The following CFAP74 variants were observed in gnomAD, a reference collection of about 807,000 sequenced individuals.
CFAP74 encodes the protein cilia- and flagella-associated protein 74.
Under a neutral mutation model 188.9 loss-of-function variants are expected in CFAP74, and 124 were observed. That is an observed-to-expected ratio of 0.66 (90% CI 0.57 to 0.76). CFAP74 has a LOEUF of 0.76. Among genes scored for constraint, CFAP74 ranks in the 30% least tolerant of loss-of-function variants. CFAP74 has a pLI of 0.00. For missense variants in CFAP74, 2,198 were observed against 2,165.2 expected (o/e 1.02, Z -0.30); for synonymous variants, 956 against 916.7 (o/e 1.04, Z -0.77).
chr1:1,974,433 C>T (rs915337592), intron 6 of CFAP74, among the ~76,000 whole-genome samples: 6 of 152,336 alleles, frequency 3.9e-5, no homozygotes, highest in Admixed American at 3.9e-4. Context: ...TAGAGCCTGG[C>T]CTGCACTCCC....
At chr1:1,996,116 C>G (rs1231685061) in intron 1 of CFAP74, among the ~76,000 whole-genome samples, 2 of 152,044 alleles carry the variant, frequency 1.3e-5, no homozygotes, top group Non-Finnish European at 2.9e-5. Flanking sequence ...TCCTGGGCAG[C>G]TGGGATTACA....
rs541776069 is a variant in CFAP74, at chr1:1,925,442, T to A, written c.4104+341A>T. Among the ~76,000 whole-genome samples the A allele has an allele frequency of 2.8e-5, 4 of 142,130 alleles. No individual in the cohort carries two copies. The South Asian group carries it at 8.7e-4, about 31-fold the overall frequency. 93.2% of individuals were successfully genotyped at this position (142,130 alleles called of 152,430 possible). A position where few individuals can be genotyped will look rare whatever the true frequency, so the allele number is the denominator to read the frequency against. Reference sequence around the variant, plus strand: ...AAACCCTTGCCCCCGGTGGCTGAGCTGAGCTCCAAAGGAGTGAGTTCAAGC... The same window carrying A: ...AAACCCTTGCCCCCGGTGGCTGAGCAGAGCTCCAAAGGAGTGAGTTCAAGC... On this transcript the variant is annotated intron_variant, in intron 33 of 38. Transcript: ENST00000682832.
intron 25 of CFAP74, among the ~76,000 whole-genome samples, chr1:1,932,135 G>A (rs1201169111): frequency 1.4e-5 from 2 of 147,668 alleles, no homozygotes; most frequent in Non-Finnish European, 3.0e-5. Context: ...GGTGGCTCAC[G>A]CCTGTAATCC....
intron 25 of CFAP74, among the ~76,000 whole-genome samples, chr1:1,934,626 TAC>T (rs1265223977): frequency 7.0e-5 from 9 of 127,716 alleles, no homozygotes; most frequent in Non-Finnish European, 6.8e-5. Flanking sequence ...AGGTTGTAGG[TAC>T]ACACGTGTGT....
In CFAP74 at chr1:1,972,144, G is replaced by A. The variant is rs1290187800; in HGVS notation, c.786-62C>T. The A allele has an allele frequency of 2.6e-5, 33 of 1,267,394 alleles. 1 individual carries two copies. The South Asian group carries it at 2.9e-4, about 11-fold the overall frequency. The allele number at this position is 1,267,394 out of a possible 1,614,324, so 78.5% of individuals were successfully genotyped here. On this transcript the variant is annotated intron_variant, in intron 8 of 38. Coordinates refer to ENST00000682832, the MANE Select transcript of CFAP74 (RefSeq NM_001304360.2). Reference sequence around the variant, plus strand: ...CGCCCAGGCTGGTGTGCAGTGGTGCGATCACAGCTCTCTGCAGCCTCGACC... The same window carrying A: ...CGCCCAGGCTGGTGTGCAGTGGTGCAATCACAGCTCTCTGCAGCCTCGACC...
Position 1,964,944 on chromosome 1 carries a change from C to G in CFAP74, c.1519G>C (p.Gly507Arg), listed in dbSNP as rs752282092. 4 of 1,613,888 alleles carry G rather than the reference C, an allele frequency of 2.5e-6. No homozygotes were observed. Among genetic ancestry groups the G allele is most frequent in the African/African-American group, 1.3e-5 (1 of 74,944 alleles). The change falls in exon 13 of 39, where the codon GGG (glycine) becomes CGG (arginine). Residue 507 changes from glycine to arginine, a missense_variant. By Grantham distance (125) the Gly-to-Arg change is moderately radical. Coordinates refer to ENST00000682832, the MANE Select transcript of CFAP74 (RefSeq NM_001304360.2). ...SRVVHKQVVW[G>R]REFQGRPFNS... ...AAGGGGCGTCCTTGGAACTCACGCC[C>G]CCACACCACCTGCTTGTGGACCACC...
At chr1:1,943,102 G>A (rs1000582459) in intron 21 of CFAP74, among the ~76,000 whole-genome samples, 2 of 152,320 alleles carry the variant, frequency 1.3e-5, no homozygotes, top group Non-Finnish European at 1.5e-5. Flanking sequence ...TCTGCCTTCC[G>A]GTTCCCTTAT....
rs1429753713 is a variant in CFAP74, at chr1:1,955,844, G to T, written c.2023C>A (p.Leu675Ile). Residue 675 changes from leucine (L) to isoleucine (I), a missense_variant, in exon 18 of 39, where the codon CTC (leucine) becomes ATC (isoleucine). Coordinates refer to ENST00000682832, the MANE Select transcript of CFAP74 (RefSeq NM_001304360.2). ...AAGCTTTTATCTTCGTAGGTCAGGA[G>T]ACTGCTCTAGAGAGGAGAATCAACA... ...DSQSALKLSS[L>I]LTYEDKSLYD... The T allele has an allele frequency of 6.2e-7, 1 of 1,612,468 alleles. No homozygotes were observed. Among genetic ancestry groups the T allele is most frequent in the Non-Finnish European group, 8.5e-7 (1 of 1,179,822 alleles).
At chr1:1,935,477 C>T (rs1041819525) in intron 25 of CFAP74, among the ~76,000 whole-genome samples, 13 of 80,210 alleles carry the variant, frequency 1.6e-4, no homozygotes, top group African/African-American at 1.9e-4. Context: ...GGTGTGTGCG[C>T]GCTAGGTTGT....
At chr1:1,927,558 C>G (rs1366569696) in intron 28 of CFAP74, 49 bp downstream of exon 28, 3 of 1,523,726 alleles carry the variant, frequency 2.0e-6, no homozygotes, top group Middle Eastern at 1.7e-4. Context: ...GTGGGTCCCA[C>G]CAGAGGGGCC....
intron 2 of CFAP74, among the ~76,000 whole-genome samples, chr1:1,989,800 A>G (rs1222458594): frequency 6.6e-6 from 1 of 152,158 alleles, no homozygotes; most frequent in African/African-American, 2.4e-5. Flanking sequence ...ACTTGGTGGT[A>G]CCACACCCGG....
At position 1,973,110 on chromosome 1, in the gene CFAP74, CCTGCACGG is replaced by C; in HGVS notation, c.675-71_675-64del. The C allele has an allele frequency of 8.2e-7, 1 of 1,221,904 alleles. No individual in the cohort carries two copies. Among genetic ancestry groups the C allele is most frequent in the Middle Eastern group, 2.5e-4 (1 of 4,060 alleles). The allele number at this position is 1,221,904 out of a possible 1,614,324, so 75.7% of individuals were successfully genotyped here. On this transcript the variant is annotated intron_variant, in intron 7 of 38. Transcript: ENST00000682832. This position sits in a 1 kb window ranked among gnomAD's most constrained non-coding sequence, Gnocchi z 6.2. ...TCACACGTCCCATCTGCCCCCAAGC[CCTGCACGG>C]CTGGAGCTCGTGTCCCAGAGACGCC...
chr1:1,969,635 G>C (rs1040150972), intron 10 of CFAP74, among the ~76,000 whole-genome samples: 1 of 152,210 alleles, frequency 6.6e-6, no homozygotes, highest in Non-Finnish European at 1.5e-5. Flanking sequence ...TGCACTTCCC[G>C]GGTGCCTCCT....
intron 22 of CFAP74, among the ~76,000 whole-genome samples, chr1:1,940,819 T>C (rs1350897138): frequency 1.3e-5 from 2 of 152,148 alleles, no homozygotes; most frequent in Non-Finnish European, 2.9e-5. Context: ...GTTAAAGAAC[T>C]ATCAGGAAAA....
chr1:1,962,234 A>G (rs1655136796), intron 14 of CFAP74, among the ~76,000 whole-genome samples: 1 of 152,182 alleles, frequency 6.6e-6, no homozygotes, highest in Admixed American at 6.5e-5. Flanking sequence ...GCATTTTGGG[A>G]GGCCGAGGTG....
At chr1:1,959,014 TG>T in intron 16 of CFAP74, 105 bp downstream of exon 16, 1 of 744,190 alleles carries the variant, frequency 1.3e-6, no homozygotes, top group Non-Finnish European at 2.3e-6. Flanking sequence ...AGCTTCCACC[TG>T]GTCCCCCCGC....
rs1656602105 is a variant in CFAP74 at position 1,978,677 on chromosome 1, A to G, written c.501-4479T>C. On this transcript the variant is annotated intron_variant, in intron 6 of 38. Coordinates refer to ENST00000682832, the MANE Select transcript of CFAP74 (RefSeq NM_001304360.2). ...CTTCCGTGGGGAACCAGCCCTGCCC[A>G]CACCTTGACTTTAGCCCAGTGGGAC... Among the ~76,000 whole-genome samples the G allele has an allele frequency of 2.0e-5, 3 of 152,314 alleles. No homozygotes were observed. In the South Asian group the frequency reaches 6.2e-4, roughly 32 times the overall value.
At chr1:1,957,593 C>T (rs951323957) in intron 16 of CFAP74, among the ~76,000 whole-genome samples, 1 of 152,206 alleles carries the variant, frequency 6.6e-6, no homozygotes, top group African/African-American at 2.4e-5. Context: ...CACAGAGGAG[C>T]ACTTGACACT....
At position 1,990,334 on chromosome 1, in the gene CFAP74, A is replaced by T. The variant is rs1210471388; in HGVS notation, c.67+556T>A. Among the ~76,000 whole-genome samples, 3 of 148,912 alleles carry T rather than the reference A, an allele frequency of 2.0e-5. No individual in the cohort carries two copies. The East Asian group carries it at 6.1e-4, about 30-fold the overall frequency. On this transcript the variant is annotated intron_variant, in intron 2 of 38. Coordinates refer to ENST00000682832, the MANE Select transcript of CFAP74 (RefSeq NM_001304360.2). Reference sequence around the variant, plus strand: ...CCTTCATTAAATCTCAGTAAAAATGATGGAAAAGGCAGAAAGCCACAGTCA... The same window carrying T: ...CCTTCATTAAATCTCAGTAAAAATGTTGGAAAAGGCAGAAAGCCACAGTCA...
Sources: allele counts gnomAD v4.1 joint callset (sites outside exome capture counted in the v4.1 genomes callset), GRCh38; gene constraint gnomAD v4.1.1; non-coding constraint Gnocchi (gnomAD v3.1); transcripts MANE v1.5; gene names NCBI Gene and HGNC (gene_info 2026-07-23, HGNC 2026-07-21).